The following FAM20C variants were observed in gnomAD, a reference collection of about 807,000 sequenced individuals.
FAM20C encodes the protein FAM20C golgi associated secretory pathway kinase.
FAM20C carries 40 observed loss-of-function variants against 51.5 expected under a neutral mutation model. That is an observed-to-expected ratio of 0.78 (90% CI 0.60 to 1.01). FAM20C has a LOEUF of 1.01. FAM20C is among the 50% of genes least tolerant of loss of function. The probability of loss-of-function intolerance (pLI) is 0.00; values close to 1 mark genes in which losing one functional copy is unlikely to be tolerated. For missense variants in FAM20C, 861 were observed against 844.7 expected (o/e 1.02, Z -0.24); for synonymous variants, 406 against 380.6 (o/e 1.07, Z -0.78).
chr7:218,361 C>T (rs1001217732), intron 3 of FAM20C, among the ~76,000 whole-genome samples: 1 of 152,244 alleles, frequency 6.6e-6, no homozygotes, highest in Admixed American at 6.5e-5. Flanking sequence ...GTGTGTCCTG[C>T]GGGGCCTCCG....
intron 2 of FAM20C, among the ~76,000 whole-genome samples, chr7:198,487 C>T (rs1437192024): frequency 2.0e-5 from 3 of 152,154 alleles, no homozygotes; most frequent in Non-Finnish European, 4.4e-5. Flanking sequence ...CCTAAATTGT[C>T]GAGGCTAGTT....
At chr7:205,362 T>TCCCGAGTAGCCGGGACCA (rs764052518) in intron 2 of FAM20C, among the ~76,000 whole-genome samples, 1 of 61,642 alleles carries the variant, frequency 1.6e-5, no homozygotes, top group African/African-American at 5.2e-5. Flanking sequence ...GACGTCAGCC[T>TCCCGAGTAGCCGGGACCA]CTGAGTAGCT....
intron 2 of FAM20C, among the ~76,000 whole-genome samples, chr7:208,545 T>TGTGTGTACATGGGTGTGG (rs1786550070): frequency 8.6e-6 from 1 of 116,502 alleles, no homozygotes; most frequent in Non-Finnish European, 1.9e-5. Context: ...GTGGGTGTGG[T>TGTGTGTACATGGGTGTGG]GTGTGTACAT....
chr7:208,913 G>T lies in FAM20C; in HGVS notation c.800G>T (p.Gly267Val). Reference sequence around the variant, plus strand: ...CTTCCTGCAGCCATGAAGTCGGGGGGCACGCAGCTGAAGCTCATCATGACC... The same window carrying T: ...CTTCCTGCAGCCATGAAGTCGGGGGTCACGCAGCTGAAGCTCATCATGACC... The part of the protein sequence containing the change: ...RITSVAMKSG[G>V]TQLKLIMTFQ... Residue 267 changes from glycine (G) to valine (V), a missense_variant, in exon 3 of 10, where the codon GGC becomes GTC. By Grantham distance (109) the Gly-to-Val change is moderately radical (BLOSUM62 -3). Around this residue, in one of 3 missense-constraint regions of FAM20C, gnomAD observed 561 missense variants for 499.8 expected, o/e 1.12. Coordinates refer to ENST00000313766, the MANE Select transcript of FAM20C (RefSeq NM_020223.4). 2 of 1,578,112 alleles carry T rather than the reference G, an allele frequency of 1.3e-6. No homozygotes were observed. The highest frequency in any genetic ancestry group is 1.7e-6 in the Non-Finnish European group (2 of 1,161,994).
chr7:197,863 TAGG>T (rs1785953749), intron 2 of FAM20C, among the ~76,000 whole-genome samples: 2 of 152,148 alleles, frequency 1.3e-5, no homozygotes, highest in African/African-American at 4.8e-5. Flanking sequence ...TTGCCCACCT[TAGG>T]AGTGCTTTGT....
At position 248,309 on chromosome 7, in the gene FAM20C, T is replaced by TACTCGGAGGCAGGGAAACAGAG. The variant is rs1393968431; in HGVS notation, c.957-6_957-5insACTCGGAGGCAGGGAAACAGAG. On this transcript the variant is annotated splice_polypyrimidine_tract_variant and splice_region_variant and intron_variant, in intron 4 of 9. Transcript: ENST00000313766. ...CACAGACCATTCCCCGCCCGTTTCTTGCCAGGATCCTGGACTTCCGCCGGG... is the reference window on the plus strand; with the variant it reads ...CACAGACCATTCCCCGCCCGTTTCTTACTCGGAGGCAGGGAAACAGAGGCCAGGATCCTGGACTTCCGCCGGG... The TACTCGGAGGCAGGGAAACAGAG allele has an allele frequency of 6.5e-7, 1 of 1,535,180 alleles. No individual in the cohort carries two copies. The highest frequency in any genetic ancestry group is 1.4e-5 in the African/African-American group (1 of 72,992).
rs138065568 is a variant in FAM20C, at chr7:247,845, C to T, written c.957-470C>T. Among the ~76,000 whole-genome samples the T allele has an allele frequency of 6.7e-3, 1,024 of 152,308 alleles. 9 individuals are homozygous for T. Among genetic ancestry groups the T allele is most frequent in the African/African-American group, 0.022 (896 of 41,574 alleles). On this transcript the variant is annotated intron_variant, in intron 4 of 9. Coordinates refer to ENST00000313766, the MANE Select transcript of FAM20C (RefSeq NM_020223.4). ...TGGGTCCCGGGTCGGCCCTGGCAGA[C>T]GGCCCACGTCCCTCCACACCTGGTC...
chr7:253,399 C>T (rs899116715), intron 5 of FAM20C, among the ~76,000 whole-genome samples: 1 of 152,264 alleles, frequency 6.6e-6, no homozygotes, highest in Non-Finnish European at 1.5e-5. Context: ...TGTCTGCGCT[C>T]TCCGGGAGGC....
At chr7:225,955 T>G (rs1192730773) in intron 3 of FAM20C, among the ~76,000 whole-genome samples, 7 of 85,686 alleles carry the variant, frequency 8.2e-5, no homozygotes, top group Non-Finnish European at 1.6e-4. Context: ...CTTCTCTCAT[T>G]GCGCAGAATG....
At chr7:252,563 A>C (rs374016623) in intron 5 of FAM20C, among the ~76,000 whole-genome samples, 34 of 152,152 alleles carry the variant, frequency 2.2e-4, no homozygotes, top group African/African-American at 8.2e-4. Flanking sequence ...CACTGCAGAC[A>C]CCCCCTCGGC....
rs1562402135 is a variant in FAM20C at position 258,452 on chromosome 7, GAT to G, written c.1446-193_1446-192del. The stretch of plus-strand genomic sequence containing the variant: ...TGCCTGGGGTGCTGGAGATGGGTGG[GAT>G]GGACCCACTGCCTGGGGTGCTGGAG... On this transcript the variant is annotated intron_variant, in intron 8 of 9. Transcript: ENST00000313766. 1.5e-3 allele frequency among the ~76,000 whole-genome samples: 79 copies of G among 51,104 alleles called. 11 individuals are homozygous for G. Among genetic ancestry groups the G allele is most frequent in the African/African-American group, 4.5e-3 (70 of 15,630 alleles). 33.5% of individuals were successfully genotyped at this position (51,104 alleles called of 152,430 possible).
At chr7:226,609 G>A (rs1362410917) in intron 3 of FAM20C, among the ~76,000 whole-genome samples, 1 of 152,112 alleles carries the variant, frequency 6.6e-6, no homozygotes, top group Admixed American at 6.5e-5. Context: ...CAGGTCTGTG[G>A]GGACGGGCAC....
At chr7:224,204 G>A (rs1398418287) in intron 3 of FAM20C, among the ~76,000 whole-genome samples, 13 of 137,068 alleles carry the variant, frequency 9.5e-5, no homozygotes, top group African/African-American at 3.0e-4. Flanking sequence ...GGGGTCGCAC[G>A]GCGGCTGTCC....
rs1353091889 is a variant in FAM20C at position 193,564 on chromosome 7, G to A, written c.365G>A (p.Arg122Gln). Residue 122 changes from arginine to glutamine, a missense_variant, in exon 1 of 10, where the codon CGG (arginine) becomes CAG (glutamine). Arg to Gln is a conservative substitution (Grantham distance 43, BLOSUM62 1). This residue lies in a region of FAM20C where 561 missense variants were observed against 499.8 expected (regional missense o/e 1.12). Transcript: ENST00000313766. ...PAAEPAERAL[R>Q]GRDPGALRPH... ...GCCGAGCCGGCCGAGCGCGCCTTGC[G>A]GGGGCGGGATCCCGGCGCCCTAAGA... 10 of 1,497,768 alleles carry A rather than the reference G, an allele frequency of 6.7e-6. No homozygotes were observed. The highest frequency in any genetic ancestry group is 8.9e-6 in the Non-Finnish European group (10 of 1,121,626). The allele number at this position is 1,497,768 out of a possible 1,614,324, so 92.8% of individuals were successfully genotyped here. A position where few individuals can be genotyped will look rare whatever the true frequency, so the allele number is the denominator to read the frequency against.
At chr7:252,422 A>G (rs915997093) in intron 5 of FAM20C, among the ~76,000 whole-genome samples, 1 of 150,702 alleles carries the variant, frequency 6.6e-6, no homozygotes, top group African/African-American at 2.5e-5. Flanking sequence ...GTCATCTCGG[A>G]GGCCCTGCTG....
chr7:194,915 G>C (rs921526782), intron 1 of FAM20C, among the ~76,000 whole-genome samples: 6 of 152,218 alleles, frequency 3.9e-5, no homozygotes, highest in African/African-American at 1.4e-4. Flanking sequence ...CCTCCAGAAC[G>C]GTCCCTTGAC....
At chr7:214,209 C>T (rs1321659002) in intron 3 of FAM20C, among the ~76,000 whole-genome samples, 1 of 152,024 alleles carries the variant, frequency 6.6e-6, no homozygotes, top group Non-Finnish European at 1.5e-5. Flanking sequence ...CCTGTAATCC[C>T]AGCTACTCGG....
intron 1 of FAM20C, 199 bp downstream of exon 1, chr7:194,003 CT>C: frequency 4.6e-6 from 4 of 870,244 alleles, no homozygotes. Flanking sequence ...GGGCTGCCGG[CT>C]GGTCCGGGAG....
intron 1 of FAM20C, chr7:195,183 G>T: frequency 4.8e-6 from 1 of 206,858 alleles, no homozygotes; most frequent in East Asian, 1.1e-4. Flanking sequence ...CCAGGGGAGG[G>T]CCACAGCCCC....
Sources: allele counts gnomAD v4.1 joint callset (sites outside exome capture counted in the v4.1 genomes callset), GRCh38; gene constraint gnomAD v4.1.1; regional missense constraint gnomAD v4.1.1; transcripts MANE v1.5; gene names NCBI Gene and HGNC (gene_info 2026-07-23, HGNC 2026-07-21).